The following LIMCH1 variants were observed in gnomAD, a reference collection of about 807,000 sequenced individuals.
LIMCH1 encodes LIM and calponin homology domains 1.
Under a neutral mutation model 176.5 loss-of-function variants are expected in LIMCH1, and 113 were observed. The ratio of observed to expected loss-of-function variants is 0.64; its 90% CI spans 0.55 to 0.75. LIMCH1 has a LOEUF of 0.75. Ranked by LOEUF, LIMCH1 falls within the 30% of genes least tolerant of loss-of-function variation. The pLI is 0.00. For missense variants in LIMCH1, 1,674 were observed against 1,814.9 expected (o/e 0.92, Z 1.41); for synonymous variants, 619 against 645.9 (o/e 0.96, Z 0.63).
At chr4:41,417,667 C>T (rs549016234) in intron 1 of LIMCH1, among the ~76,000 whole-genome samples, 4 of 151,772 alleles carry the variant, frequency 2.6e-5, no homozygotes, top group Non-Finnish European at 4.4e-5. Flanking sequence ...ACTACAGGCA[C>T]GTGCCACCAT....
At chr4:41,597,106 C>T (rs1324054403) in intron 1 of LIMCH1, among the ~76,000 whole-genome samples, 2 of 152,124 alleles carry the variant, frequency 1.3e-5, no homozygotes, top group African/African-American at 4.8e-5. Flanking sequence ...CATTCTGCAA[C>T]TTGTCTTCCA....
intron 1 of LIMCH1, among the ~76,000 whole-genome samples, chr4:41,541,454 C>T (rs1345996786): frequency 6.6e-6 from 1 of 152,216 alleles, no homozygotes; most frequent in Non-Finnish European, 1.5e-5. Flanking sequence ...TCTGGCTTTA[C>T]TGGTCTGTGA....
chr4:41,419,567 C>CTTCT (rs1269633385), intron 1 of LIMCH1, among the ~76,000 whole-genome samples: 2 of 70,432 alleles, frequency 2.8e-5, no homozygotes, highest in African/African-American at 2.4e-4. Context: ...TTTCCCCTTC[C>CTTCT]TTCCTTCCTT....
At chr4:41,397,445 A>T (rs1296838275) in intron 1 of LIMCH1, among the ~76,000 whole-genome samples, 19 of 151,918 alleles carry the variant, frequency 1.3e-4, no homozygotes, top group African/African-American at 4.6e-4. Flanking sequence ...TTTTTTTTTC[A>T]GAATACGTTA....
chr4:41,503,581 T>C (rs1286563797), intron 2 of LIMCH1, among the ~76,000 whole-genome samples: 1 of 152,056 alleles, frequency 6.6e-6, no homozygotes, highest in Non-Finnish European at 1.5e-5. Context: ...TAGACTTACA[T>C]AGGGGTGTGT....
intron 7 of LIMCH1, among the ~76,000 whole-genome samples, chr4:41,621,260 A>G (rs2092559419): frequency 6.6e-6 from 1 of 152,182 alleles, no homozygotes; most frequent in South Asian, 2.1e-4. Context: ...AATTGTAACA[A>G]AGGTACTAGT....
intron 21 of LIMCH1, among the ~76,000 whole-genome samples, chr4:41,670,282 C>T (rs761608766): frequency 6.6e-6 from 1 of 152,188 alleles, no homozygotes; most frequent in Non-Finnish European, 1.5e-5. Flanking sequence ...CTGCCACAGA[C>T]TTCTATACAT....
chr4:41,656,268 A>G (rs771428885), intron 18 of LIMCH1, among the ~76,000 whole-genome samples: 2 of 152,220 alleles, frequency 1.3e-5, no homozygotes, highest in African/African-American at 2.4e-5. Context: ...GCATTTGAGT[A>G]GGTGCCGTTT....
Position 41,690,877 on chromosome 4 carries a change from A to C in LIMCH1, c.4275+1242A>C, listed in dbSNP as rs2153082592. Among the ~76,000 whole-genome samples, 2 of 152,312 alleles carry C rather than the reference A, an allele frequency of 1.3e-5. 1 individual carries two copies. The highest frequency in any genetic ancestry group is 4.2e-4 in the South Asian group (2 of 4,818). On this transcript the variant is annotated intron_variant, in intron 30 of 31. Coordinates refer to ENST00000503057, the MANE Select transcript of LIMCH1 (RefSeq NM_001330672.2). Reference sequence around the variant, plus strand: ...ACCATTCCACAAAGGACAAGCAAAAATATTCTCGTTGTAAAGATTAACCTA... The same window carrying C: ...ACCATTCCACAAAGGACAAGCAAAACTATTCTCGTTGTAAAGATTAACCTA...
At chr4:41,651,807 G>A (rs887946434) in intron 18 of LIMCH1, among the ~76,000 whole-genome samples, 1 of 152,278 alleles carries the variant, frequency 6.6e-6, no homozygotes, top group South Asian at 2.1e-4. Flanking sequence ...TGCTAATTCA[G>A]GTACTGCAGA....
At chr4:41,586,426 A>G (rs1009871222) in intron 1 of LIMCH1, among the ~76,000 whole-genome samples, 3 of 151,976 alleles carry the variant, frequency 2.0e-5, no homozygotes, top group African/African-American at 7.3e-5. Flanking sequence ...CTTATTTTCA[A>G]TTTTGCAGTT....
rs781324916 is a variant in LIMCH1, at chr4:41,662,860, C to G, written c.3167C>G (p.Pro1056Arg). 5.0e-6 allele frequency: 8 copies of G among 1,614,008 alleles called. No homozygotes were observed. Among genetic ancestry groups the G allele is most frequent in the Non-Finnish European group, 6.8e-6 (8 of 1,179,972 alleles). The change falls in exon 20 of 32, where the codon CCG becomes CGG. Residue 1056 changes from proline to arginine, a missense_variant. This residue lies in a region of LIMCH1 where 1,015 missense variants were observed against 1,102.5 expected (regional missense o/e 0.92). Coordinates refer to ENST00000503057, the MANE Select transcript of LIMCH1 (RefSeq NM_001330672.2). The part of the protein sequence containing the change: ...HFTTTVTRCS[P>R]TVAFVEFPSS... ...ACAACAACTGTGACTCGATGCAGCC[C>G]GACCGTGGCCTTTGTGGAATTTCCC... is the stretch of plus-strand genomic sequence containing the variant.
chr4:41,681,703 T>G (rs1716027791), intron 25 of LIMCH1, among the ~76,000 whole-genome samples: 2 of 152,070 alleles, frequency 1.3e-5, no homozygotes, highest in Non-Finnish European at 2.9e-5. Context: ...AAAAAACTAA[T>G]GCATGCTGGG....
chr4:41,671,656 G>A, intron 22 of LIMCH1, 62 bp downstream of exon 22: 1 of 1,291,142 alleles, frequency 7.7e-7, no homozygotes, highest in African/African-American at 1.5e-5. Context: ...TATAACATTT[G>A]ATTGGCTCAA....
chr4:41,370,129 A>T (rs532172767), intron 1 of LIMCH1, among the ~76,000 whole-genome samples: 1 of 152,252 alleles, frequency 6.6e-6, no homozygotes, highest in African/African-American at 2.4e-5. Flanking sequence ...TCCTGGCTGC[A>T]AGGCGGGAGA....
intron 1 of LIMCH1, among the ~76,000 whole-genome samples, chr4:41,456,963 C>T (rs1249364342): frequency 1.3e-5 from 2 of 152,172 alleles, no homozygotes; most frequent in Admixed American, 1.3e-4. Flanking sequence ...ACAATATTCT[C>T]TTCCTATGTA....
chr4:41,416,113 G>A (rs572133940), intron 1 of LIMCH1, among the ~76,000 whole-genome samples: 2 of 152,150 alleles, frequency 1.3e-5, no homozygotes, highest in Non-Finnish European at 2.9e-5. Context: ...CAGCGTCAAG[G>A]TGTGGCTGTA....
intron 30 of LIMCH1, among the ~76,000 whole-genome samples, chr4:41,690,180 A>G (rs145744573): frequency 2.6e-5 from 4 of 152,326 alleles, no homozygotes; most frequent in Admixed American, 6.5e-5. Flanking sequence ...AGGTCCTTAT[A>G]GAACCTTTCT....
chr4:41,580,794 C>T (rs2085284489), intron 1 of LIMCH1, among the ~76,000 whole-genome samples: 1 of 152,000 alleles, frequency 6.6e-6, no homozygotes, highest in South Asian at 2.1e-4. Context: ...AATAAGATAG[C>T]AAAAGAGTAC....
Sources: gnomAD v4.1 joint callset for allele counts (sites outside exome capture counted in the v4.1 genomes callset) on GRCh38, gnomAD v4.1.1 for gene constraint, gnomAD v4.1.1 regional missense constraint, MANE v1.5 for transcripts, NCBI Gene and HGNC (gene_info 2026-07-23, HGNC 2026-07-21) for gene names.